UBA6: variants seen among roughly 807,000 people sequenced by gnomAD.
The protein encoded by UBA6 is ubiquitin like modifier activating enzyme 6.
Under a neutral mutation model 148.3 loss-of-function variants are expected in UBA6, and 87 were observed. The ratio of observed to expected loss-of-function variants is 0.59; its 90% CI spans 0.49 to 0.70. The LOEUF (loss-of-function observed/expected upper bound fraction) is 0.70, where lower values mean the gene tolerates loss of function less well. UBA6 is among the 30% of genes least tolerant of loss of function. UBA6 has a pLI of 0.00. For missense variants in UBA6, 1,186 were observed against 1,241.2 expected (o/e 0.96, Z 0.67); for synonymous variants, 376 against 401.0 (o/e 0.94, Z 0.75).
At position 67,646,773 on chromosome 4, in the gene UBA6, C is replaced by G; in HGVS notation, c.1267G>C (p.Asp423His). Residue 423 changes from aspartate to histidine, a missense_variant, in exon 15 of 33, where the codon GAT becomes CAT. Coordinates refer to ENST00000322244, the MANE Select transcript of UBA6 (RefSeq NM_018227.6). ...LCQWLYLEAA[D>H]IVESLGKPEC... The stretch of plus-strand genomic sequence containing the variant: ...GGTTTGCCTAGTGATTCAACAATAT[C>G]TGCTGCTTCAAGATATAACTTAAAG... 6.2e-7 allele frequency: 1 copy of G among 1,605,032 alleles called. No individual in the cohort carries two copies. The highest frequency in any genetic ancestry group is 2.3e-5 in the East Asian group (1 of 44,290).
intron 2 of UBA6, among the ~76,000 whole-genome samples, chr4:67,686,952 TAAAAAAAAAAAAAA>T (rs546442640): frequency 0.05 from 2,831 of 57,128 alleles, 84 homozygotes; most frequent in East Asian, 0.15. Context: ...ATCCTGTCTC[TAAAAAAAAAAAAAA>T]AAAAAAAAAA....
At position 67,682,158 on chromosome 4, in the gene UBA6, C is replaced by A. The variant is rs111621741; in HGVS notation, c.190G>T (p.Val64Phe). The A allele has an allele frequency of 6.2e-7, 1 of 1,613,878 alleles. No homozygotes were observed. The highest frequency in any genetic ancestry group is 8.5e-7 in the Non-Finnish European group (1 of 1,179,852). Reference protein sequence around the residue: ...TAMQKMAKSHVFLSGMGGLGL... With the variant: ...TAMQKMAKSHFFLSGMGGLGL... Reference sequence around the variant, plus strand: ...AGACCACCCATCCCACTTAAGAAAACATGGGACTTGGCCATCTTCTGCATT... The same window carrying A: ...AGACCACCCATCCCACTTAAGAAAAAATGGGACTTGGCCATCTTCTGCATT... Residue 64 changes from valine to phenylalanine, a missense_variant, in exon 3 of 33, where the codon GTT becomes TTT. Transcript: ENST00000322244.
intron 21 of UBA6, 27 bp downstream of exon 21, chr4:67,634,401 GA>G: frequency 6.4e-7 from 1 of 1,558,690 alleles, no homozygotes; most frequent in Non-Finnish European, 8.6e-7. Context: ...TCACTTCAAA[GA>G]AAATAAATTT....
intron 9 of UBA6, among the ~76,000 whole-genome samples, chr4:67,665,903 A>G (rs1316491646): frequency 1.3e-5 from 2 of 152,208 alleles, no homozygotes; most frequent in African/African-American, 4.8e-5. Flanking sequence ...AGGCTTTTCT[A>G]AGTAACACTA....
At chr4:67,655,081 C>A (rs1352101809) in intron 13 of UBA6, among the ~76,000 whole-genome samples, 3 of 152,114 alleles carry the variant, frequency 2.0e-5, no homozygotes, top group Non-Finnish European at 4.4e-5. Flanking sequence ...GACTCCCACA[C>A]AATAATAATG....
At position 67,619,137 on chromosome 4, in the gene UBA6, G is replaced by C; in HGVS notation, c.3024-5C>G. 1 of 1,586,472 alleles carries C rather than the reference G, an allele frequency of 6.3e-7. No individual in the cohort carries two copies. Among genetic ancestry groups the C allele is most frequent in the Non-Finnish European group, 8.6e-7 (1 of 1,160,722 alleles). On this transcript the variant is annotated splice_polypyrimidine_tract_variant and splice_region_variant and intron_variant, in intron 32 of 32. Coordinates refer to ENST00000322244, the MANE Select transcript of UBA6 (RefSeq NM_018227.6). Reference sequence around the variant, plus strand: ...GGTTTTACAAGTTTATGCATTCTAAGAAAAATAAGCAAGAATGAATACTTT... The same window carrying C: ...GGTTTTACAAGTTTATGCATTCTAACAAAAATAAGCAAGAATGAATACTTT...
intron 2 of UBA6, among the ~76,000 whole-genome samples, chr4:67,694,745 T>A (rs1320666951): frequency 2.0e-5 from 3 of 152,222 alleles, no homozygotes; most frequent in African/African-American, 7.2e-5. Context: ...CAGTAACTCT[T>A]TTAGTATTCC....
chr4:67,670,743 A>T (rs931574640), intron 7 of UBA6, 151 bp from the exon 8 acceptor site: 13 of 592,620 alleles, frequency 2.2e-5, no homozygotes, highest in Non-Finnish European at 2.9e-5. Flanking sequence ...GGATAAACTG[A>T]TGCAGAATAG....
chr4:67,688,457 G>A (rs1161225279), intron 2 of UBA6, among the ~76,000 whole-genome samples: 2 of 151,948 alleles, frequency 1.3e-5, no homozygotes, highest in African/African-American at 4.8e-5. Context: ...TACCATCAGA[G>A]GTAGTAAAAA....
chr4:67,652,154 T>C (rs557397026), intron 13 of UBA6, among the ~76,000 whole-genome samples: 6 of 152,314 alleles, frequency 3.9e-5, no homozygotes, highest in African/African-American at 1.4e-4. Flanking sequence ...TTTTTGTGAT[T>C]TGATAAATTG....
At chr4:67,652,707 G>A (rs913907412) in intron 13 of UBA6, among the ~76,000 whole-genome samples, 5 of 152,324 alleles carry the variant, frequency 3.3e-5, no homozygotes, top group East Asian at 1.9e-4. Context: ...AGGGCGAGCC[G>A]AAGCAGGGCG....
chr4:67,618,059 A>T lies in UBA6; in HGVS notation c.*938T>A, dbSNP rs1056001991. 1 of 150,660 alleles carries T rather than the reference A, an allele frequency of 6.6e-6. No homozygotes were observed. Among genetic ancestry groups the T allele is most frequent in the Non-Finnish European group, 1.5e-5 (1 of 67,574 alleles). 9.3% of individuals were successfully genotyped at this position (150,660 alleles called of 1,614,324 possible). ...AAAAAAAAAAACAAAAAAAACACAA[A>T]ATTTAATACCCTAATTAGGTTTCTG... is the stretch of plus-strand genomic sequence containing the variant. On this transcript the variant is annotated 3_prime_UTR_variant, in exon 33 of 33. Coordinates refer to ENST00000322244, the MANE Select transcript of UBA6 (RefSeq NM_018227.6).
In UBA6 at chr4:67,649,060, G is replaced by C. The variant is rs1310955212; in HGVS notation, c.1248+8C>G. The C allele has an allele frequency of 6.2e-7, 1 of 1,611,930 alleles. No homozygotes were observed. The highest frequency in any genetic ancestry group is 1.7e-5 in the Admixed American group (1 of 59,580). ...TAAAGAATTCAACTTTAAAAACTCAGAACTAACCCACTGGCACAAAGGAGA... is the reference window on the plus strand; with the variant it reads ...TAAAGAATTCAACTTTAAAAACTCACAACTAACCCACTGGCACAAAGGAGA... On this transcript the variant is annotated splice_region_variant and intron_variant, in intron 14 of 32. Transcript: ENST00000322244.
intron 12 of UBA6, 120 bp from the exon 13 acceptor site, chr4:67,662,375 A>T: frequency 1.3e-6 from 1 of 746,588 alleles, no homozygotes; most frequent in Admixed American, 2.7e-5. Flanking sequence ...GCCAACAGGT[A>T]GCACAAAATG....
intron 2 of UBA6, among the ~76,000 whole-genome samples, chr4:67,690,411 C>T (rs1730667977): frequency 6.6e-6 from 1 of 152,024 alleles, no homozygotes; most frequent in African/African-American, 2.4e-5. Flanking sequence ...TCCTGGATAA[C>T]ACCAAAGGCA....
chr4:67,646,816 A>C, intron 14 of UBA6, 25 bp from the exon 15 acceptor site: 2 of 1,501,496 alleles, frequency 1.3e-6, no homozygotes, highest in Non-Finnish European at 1.8e-6. Context: ...TTAAAAACAC[A>C]ATTATTATGT....
chr4:67,629,929 GA>G (rs536000875), intron 26 of UBA6, among the ~76,000 whole-genome samples: 8 of 152,034 alleles, frequency 5.3e-5, no homozygotes, highest in Non-Finnish European at 1.2e-4. Flanking sequence ...CATTTGTGAA[GA>G]AAAGAGATGC....
chr4:67,623,072 T>A (rs1728786836), intron 31 of UBA6, 63 bp downstream of exon 31: 1 of 1,431,142 alleles, frequency 7.0e-7, no homozygotes, highest in African/African-American at 1.5e-5. Context: ...AAATTATAAA[T>A]AAAAACAAAA....
At chr4:67,662,468 T>C (rs1367501696) in intron 12 of UBA6, 1 of 439,214 alleles carries the variant, frequency 2.3e-6, no homozygotes, top group Non-Finnish European at 4.0e-6. Flanking sequence ...AGTTTAGTTT[T>C]TTTTGTTTTT....
Sources: allele counts gnomAD v4.1 joint callset (sites outside exome capture counted in the v4.1 genomes callset), GRCh38; gene constraint gnomAD v4.1.1; transcripts MANE v1.5; gene names NCBI Gene and HGNC (gene_info 2026-07-23, HGNC 2026-07-21).